Variants in ARID1B observed in about 807,000 individuals in gnomAD.
ARID1B encodes the protein AT-rich interactive domain-containing protein 1B.
ARID1B carries 30 observed loss-of-function variants against 212.3 expected under a neutral mutation model. The ratio of observed to expected loss-of-function variants is 0.14; its 90% confidence interval spans 0.11 to 0.19. ARID1B has a LOEUF of 0.19. Ranked by LOEUF, ARID1B falls within the 10% of genes least tolerant of loss-of-function variation. ARID1B has a pLI of 1.00. For missense variants in ARID1B, 2,891 were observed against 3,204.0 expected, an observed-to-expected ratio of 0.90 and a Z score of 2.36; for synonymous variants, 1,402 against 1,301.7, an observed-to-expected ratio of 1.08 and a Z score of -1.66.
chr6:157,115,449 C>T (rs1787261187), intron 6 of ARID1B, among the ~76,000 whole-genome samples: 1 of 152,158 alleles, frequency 6.6e-6, no homozygotes. Flanking sequence ...TGTTTTGAGA[C>T]AGAGTCTTGC....
At chr6:156,819,239 GGTTATGAACAATACTGCATACTTA>G (rs1442863793) in intron 1 of ARID1B, among the ~76,000 whole-genome samples, 1 of 152,156 alleles carries the variant, frequency 6.6e-6, no homozygotes, top group Non-Finnish European at 1.5e-5. Context: ...AGTGACACAT[GGTTATGAACAATACTGCATACTTA>G]GAGATGTAAA....
At chr6:157,196,996 A>T (rs532485520) in intron 16 of ARID1B, among the ~76,000 whole-genome samples, 1 of 152,166 alleles carries the variant, frequency 6.6e-6, no homozygotes, top group Non-Finnish European at 1.5e-5. Context: ...AGATAGGAGG[A>T]AAAGTTATTG....
chr6:157,148,740 C>T lies in ARID1B; in HGVS notation c.2878C>T (p.Pro960Ser), dbSNP rs1241434369. 6.2e-7 allele frequency: 1 copy of T among 1,613,094 alleles called. No homozygotes were observed. Among genetic ancestry groups the T allele is most frequent in the Non-Finnish European group, 8.5e-7 (1 of 1,179,960 alleles). Residue 960 changes from proline (P) to serine (S), a missense_variant, in exon 8 of 20, where the codon CCA (proline) becomes TCA (serine). Pro to Ser is a moderately conservative substitution (Grantham distance 74, BLOSUM62 -1). This residue lies in a region of ARID1B where 1,643 missense variants were observed against 1,544.0 expected (regional missense o/e 1.06). Transcript: ENST00000636930. This position sits in a 1 kb window ranked among gnomAD's most constrained non-coding sequence, Gnocchi z 5.6. ...NQMHGQGPSQ[P>S]CGAVPLGRMP... Reference sequence around the variant, plus strand: ...GATGCATGGACAAGGGCCAAGCCAGCCATGTGGTGCTGTGCCCCTGGGACG... The same window carrying T: ...GATGCATGGACAAGGGCCAAGCCAGTCATGTGGTGCTGTGCCCCTGGGACG...
intron 6 of ARID1B, among the ~76,000 whole-genome samples, chr6:157,120,451 G>T (rs1298891123): frequency 6.6e-6 from 1 of 152,160 alleles, no homozygotes; most frequent in Non-Finnish European, 1.5e-5. Flanking sequence ...GGTGTGGCGC[G>T]GGGGGCCTGG....
chr6:157,197,256 G>A (rs559252320), intron 16 of ARID1B, among the ~76,000 whole-genome samples: 46 of 152,300 alleles, frequency 3.0e-4, no homozygotes, highest in African/African-American at 9.6e-4. Flanking sequence ...TTCCCTCCCC[G>A]GAGCCACAGT....
At chr6:157,072,265 T>C (rs1010143766) in intron 4 of ARID1B, 3 of 152,216 alleles carry the variant, frequency 2.0e-5, no homozygotes, top group African/African-American at 2.4e-5. Flanking sequence ...TGTTAAAATC[T>C]CCAGGGTCCC....
rs1378455890 is a variant in ARID1B, at chr6:157,201,524, C to A, written c.5263+36C>A. On this transcript the variant is annotated intron_variant, in intron 18 of 19. Coordinates refer to ENST00000636930, the MANE Select transcript of ARID1B (RefSeq NM_001374828.1). The surrounding 1 kb of genome is among the most constrained non-coding windows in gnomAD (Gnocchi z 5.2). ...CAAAGCTTTCATTCTGAAATGAATT[C>A]CAGTTGCAGTGTAGAATTTTAATTT... 1 of 1,486,910 alleles carries A rather than the reference C, an allele frequency of 6.7e-7. No individual in the cohort carries two copies. The highest frequency in any genetic ancestry group is 1.4e-5 in the South Asian group (1 of 69,494). 92.1% of individuals were successfully genotyped at this position (1,486,910 alleles called of 1,614,324 possible).
rs746726172 is a variant in ARID1B at position 157,127,706 on chromosome 6, G to A, written c.2582-5322G>A. Among the ~76,000 whole-genome samples, 8 of 149,986 alleles carry A rather than the reference G, an allele frequency of 5.3e-5. No homozygotes were observed. The Middle Eastern group carries it at 0.014, about 259-fold the overall frequency. On this transcript the variant is annotated intron_variant, in intron 6 of 19. Coordinates refer to ENST00000636930, the MANE Select transcript of ARID1B (RefSeq NM_001374828.1). ...CAGGAGAATCGCTTGAACTCAGGAG[G>A]TGGAAGTTGCAGTGAGCCAAGATCG...
chr6:156,887,360 C>T (rs1266687062), intron 2 of ARID1B, among the ~76,000 whole-genome samples: 6 of 152,226 alleles, frequency 3.9e-5, no homozygotes, highest in African/African-American at 1.4e-4. Flanking sequence ...GGGTCTTGGA[C>T]AGTCTGTGGA....
chr6:156,881,712 G>A (rs1463522518), intron 2 of ARID1B, among the ~76,000 whole-genome samples: 1 of 152,198 alleles, frequency 6.6e-6, no homozygotes, highest in Non-Finnish European at 1.5e-5. Flanking sequence ...AATTCCAAAT[G>A]GTAGATATTC....
Position 156,777,744 on chromosome 6 carries a change from A to C in ARID1B, c.64A>C (p.Ser22Arg). 3 of 310,938 alleles carry C rather than the reference A, an allele frequency of 9.6e-6. No individual in the cohort carries two copies. Among genetic ancestry groups the C allele is most frequent in the African/African-American group, 2.4e-5 (1 of 41,132 alleles). The allele number at this position is 310,938 out of a possible 1,614,324, so 19.3% of individuals were successfully genotyped here. A position where few individuals can be genotyped will look rare whatever the true frequency, so the allele number is the denominator to read the frequency against. ...AAARARARAG[S>R]GERRAPPGPR... Reference sequence around the variant, plus strand: ...GGCGCGGGCGCGGGCGCGGGCAGGCAGCGGCGAACGGCGGGCGCCCCCCGG... The same window carrying C: ...GGCGCGGGCGCGGGCGCGGGCAGGCCGCGGCGAACGGCGGGCGCCCCCCGG... Residue 22 changes from serine (S) to arginine (R), a missense_variant, in exon 1 of 20, where the codon AGC becomes CGC. Physicochemically the swap from Ser to Arg is moderately radical, Grantham distance 110. Coordinates refer to ENST00000636930, the MANE Select transcript of ARID1B (RefSeq NM_001374828.1).
intron 8 of ARID1B, among the ~76,000 whole-genome samples, chr6:157,153,779 G>C (rs187669882): frequency 6.6e-6 from 1 of 152,274 alleles, no homozygotes; most frequent in Admixed American, 6.5e-5. Context: ...GGTACTACAG[G>C]CACGTGCCAC....
At chr6:157,039,842 CTCTCTT>C (rs1299029043) in intron 4 of ARID1B, among the ~76,000 whole-genome samples, 13 of 98,612 alleles carry the variant, frequency 1.3e-4, no homozygotes, top group African/African-American at 6.4e-4. Context: ...CTTTCTTTCT[CTCTCTT>C]TCTCTCTCTT....
intron 4 of ARID1B, chr6:157,072,608 A>C (rs1178401091): frequency 6.6e-6 from 1 of 152,126 alleles, no homozygotes; most frequent in African/African-American, 2.4e-5. Flanking sequence ...TATACTTTTA[A>C]ATTGCTCGCT....
At chr6:157,123,220 C>G (rs894332682) in intron 6 of ARID1B, among the ~76,000 whole-genome samples, 12 of 52,536 alleles carry the variant, frequency 2.3e-4, no homozygotes, top group South Asian at 8.9e-4. Context: ...ATCTTTCTTT[C>G]TCTCCCCCCC....
intron 4 of ARID1B, among the ~76,000 whole-genome samples, chr6:157,006,819 T>G (rs771375420): frequency 7.9e-5 from 12 of 152,232 alleles, no homozygotes; most frequent in African/African-American, 1.2e-4. Context: ...GAGACTTTAT[T>G]CACAAGAAAG....
chr6:156,853,806 G>A (rs757346072), intron 2 of ARID1B, among the ~76,000 whole-genome samples: 4 of 152,128 alleles, frequency 2.6e-5, no homozygotes, highest in Non-Finnish European at 5.9e-5. Context: ...GCACGACCAC[G>A]GCTCACTGCA....
chr6:156,985,103 C>T (rs765291725), intron 4 of ARID1B: 1 of 152,206 alleles, frequency 6.6e-6, no homozygotes, highest in Non-Finnish European at 1.5e-5. Flanking sequence ...AAGAAAGCTT[C>T]CATATACTCT....
At chr6:157,160,559 C>T (rs1041051876) in intron 8 of ARID1B, among the ~76,000 whole-genome samples, 3 of 152,200 alleles carry the variant, frequency 2.0e-5, no homozygotes, top group Non-Finnish European at 4.4e-5. Flanking sequence ...GTTCTTCTTG[C>T]CTCCGATGTG....
Sources: gnomAD v4.1 joint callset for allele counts (sites outside exome capture counted in the v4.1 genomes callset) on GRCh38, gnomAD v4.1.1 for gene constraint, gnomAD v4.1.1 regional missense constraint, Gnocchi (gnomAD v3.1) non-coding constraint, MANE v1.5 for transcripts, NCBI Gene and HGNC (gene_info 2026-07-23, HGNC 2026-07-21) for gene names.